Variants in UBAP1 observed in about 807,000 individuals in gnomAD.
The protein encoded by UBAP1 is ubiquitin-associated protein 1.
UBAP1 carries 5 observed loss-of-function variants against 39.0 expected under a neutral mutation model. The observed-to-expected ratio is 0.13, with a 90% confidence interval of 0.07 to 0.27. UBAP1 has a LOEUF of 0.27. UBAP1 is among the 10% of genes least tolerant of loss of function. UBAP1 has a pLI of 1.00. For synonymous variants in UBAP1, 211 were observed against 225.1 expected (o/e 0.94, Z 0.56); for missense variants, 490 against 608.1 (o/e 0.81, Z 2.04).
At position 34,202,624 on chromosome 9, in the gene UBAP1, CGTGTGTGTGTGTGTGTGT is replaced by C. The variant is rs56012034; in HGVS notation, c.-7-18247_-7-18230del. Among the ~76,000 whole-genome samples the C allele has an allele frequency of 6.8e-3, 731 of 107,362 alleles. 8 individuals carry two copies. Among genetic ancestry groups the C allele is most frequent in the Non-Finnish European group, 7.0e-3 (373 of 53,586 alleles). The allele number at this position is 107,362 out of a possible 152,430, so 70.4% of individuals were successfully genotyped here. ...ATGGGCCAGAAGCTGTAGACAGAAA[CGTGTGTGTGTGTGTGTGT>C]GTGTGTGTGTGTGTGTGTGTGTGTG... On this transcript the variant is annotated intron_variant, in intron 1 of 6. Coordinates refer to ENST00000297661, the MANE Select transcript of UBAP1 (RefSeq NM_016525.5).
chr9:34,227,041 T>C (rs1388384045), intron 2 of UBAP1, among the ~76,000 whole-genome samples: 1 of 152,234 alleles, frequency 6.6e-6, no homozygotes, highest in Non-Finnish European at 1.5e-5. Context: ...TCCCTGAATT[T>C]GGGTCTGATG....
At chr9:34,228,188 G>T (rs1056805583) in intron 2 of UBAP1, among the ~76,000 whole-genome samples, 1 of 152,084 alleles carries the variant, frequency 6.6e-6, no homozygotes, top group African/African-American at 2.4e-5. Context: ...GGAGGCCGAG[G>T]TGGGCGGATC....
At chr9:34,248,040 C>T (rs1048243417) in intron 4 of UBAP1, among the ~76,000 whole-genome samples, 4 of 147,028 alleles carry the variant, frequency 2.7e-5, no homozygotes, top group African/African-American at 7.4e-5. Context: ...AAAATAGATA[C>T]GATTTTTTTT....
chr9:34,201,803 A>C (rs1027515091), intron 1 of UBAP1, among the ~76,000 whole-genome samples: 1 of 152,086 alleles, frequency 6.6e-6, no homozygotes, highest in Non-Finnish European at 1.5e-5. Context: ...ATTGCCCCCT[A>C]GCACTCATCA....
Position 34,242,028 on chromosome 9 carries a change from C to G in UBAP1, c.1003C>G (p.Leu335Val). ...GGACAGTGGCACAGAGATGCCAGCCCTGACATCCTCCCAGATGCCTTCCCT... is the reference window on the plus strand; with the variant it reads ...GGACAGTGGCACAGAGATGCCAGCCGTGACATCCTCCCAGATGCCTTCCCT... Reference protein sequence around the residue: ...NLDSGTEMPALTSSQMPSLSV... With the variant: ...NLDSGTEMPAVTSSQMPSLSV... The change falls in exon 4 of 7, where the codon CTG (leucine) becomes GTG (valine). Residue 335 changes from leucine (L) to valine (V), a missense_variant. This residue lies in a region of UBAP1 where 339 missense variants were observed against 390.0 expected (regional missense o/e 0.87). Transcript: ENST00000297661. 6.2e-7 allele frequency: 1 copy of G among 1,614,224 alleles called. No homozygotes were observed. The highest frequency in any genetic ancestry group is 1.3e-5 in the African/African-American group (1 of 75,062).
chr9:34,228,976 T>C (rs1385690877), intron 2 of UBAP1, among the ~76,000 whole-genome samples: 1 of 152,158 alleles, frequency 6.6e-6, no homozygotes, highest in Non-Finnish European at 1.5e-5. Flanking sequence ...TTAATAAAGC[T>C]TTTAAAGTAC....
At chr9:34,240,784 T>C (rs1833915241) in intron 3 of UBAP1, among the ~76,000 whole-genome samples, 1 of 152,214 alleles carries the variant, frequency 6.6e-6, no homozygotes, top group Non-Finnish European at 1.5e-5. Flanking sequence ...TAAGTAGGAA[T>C]AATAGTAGTT....
At chr9:34,216,807 C>T (rs1176615461) in intron 1 of UBAP1, among the ~76,000 whole-genome samples, 7 of 151,754 alleles carry the variant, frequency 4.6e-5, no homozygotes, top group South Asian at 2.1e-4. Flanking sequence ...CCACCATGCT[C>T]GGCTAATGTT....
chr9:34,195,217 G>A (rs529526288), intron 1 of UBAP1, among the ~76,000 whole-genome samples: 3 of 151,294 alleles, frequency 2.0e-5, no homozygotes, highest in East Asian at 1.9e-4. Flanking sequence ...TTCCTTTATG[G>A]TTTGTGCTTT....
chr9:34,181,657 C>G (rs1253640867), intron 1 of UBAP1, among the ~76,000 whole-genome samples: 2 of 147,312 alleles, frequency 1.4e-5, no homozygotes, highest in Admixed American at 1.4e-4. Context: ...TGGTCTCGAT[C>G]TCCTGACCTC....
rs973311016 is a variant in UBAP1, at chr9:34,251,764, C to T, written c.*232C>T. On this transcript the variant is annotated 3_prime_UTR_variant, in exon 7 of 7. Coordinates refer to ENST00000297661, the MANE Select transcript of UBAP1 (RefSeq NM_016525.5). ...CTGTCCTGGCTCCTTCCGTATTAAA[C>T]GCATTTGCATTTTGAGAAGTGTCCT... 4.2e-5 allele frequency: 21 copies of T among 499,302 alleles called. No individual in the cohort carries two copies. Among genetic ancestry groups the T allele is most frequent in the Middle Eastern group, 5.2e-4 (1 of 1,912 alleles). The allele number at this position is 499,302 out of a possible 1,614,324, so 30.9% of individuals were successfully genotyped here.
At chr9:34,243,663 T>C (rs982238124) in intron 4 of UBAP1, among the ~76,000 whole-genome samples, 21 of 152,112 alleles carry the variant, frequency 1.4e-4, no homozygotes, top group African/African-American at 4.6e-4. Flanking sequence ...CTCATTTTTG[T>C]ATTTTTAGCA....
chr9:34,220,846 C>G lies in UBAP1; in HGVS notation c.-7-62C>G, dbSNP rs1389958851. ...TCTTCTGGTTTCTTTTTTGTACTCT[C>G]AATTTTCTTCGTACTACCTTCAAGG... On this transcript the variant is annotated intron_variant, in intron 1 of 6. Transcript: ENST00000297661. 2.7e-6 allele frequency: 4 copies of G among 1,489,014 alleles called. No homozygotes were observed. In the South Asian group the frequency reaches 3.5e-5, roughly 13 times the overall value. 92.2% of individuals were successfully genotyped at this position (1,489,014 alleles called of 1,614,324 possible).
intron 2 of UBAP1, among the ~76,000 whole-genome samples, chr9:34,228,417 C>CA (rs1182740329): frequency 0.052 from 2,908 of 55,606 alleles, 81 homozygotes; most frequent in East Asian, 0.24. Flanking sequence ...GACTTCATCT[C>CA]AAAAAAAAAA....
intron 1 of UBAP1, among the ~76,000 whole-genome samples, chr9:34,205,497 C>T (rs1204392870): frequency 6.6e-6 from 1 of 152,058 alleles, no homozygotes; most frequent in Non-Finnish European, 1.5e-5. Context: ...TCTGAAATTA[C>T]ATGTTAGGTA....
chr9:34,207,617 A>G (rs1206928129), intron 1 of UBAP1, among the ~76,000 whole-genome samples: 1 of 148,208 alleles, frequency 6.7e-6, no homozygotes, highest in Non-Finnish European at 1.5e-5. Flanking sequence ...GCTGTGGTAT[A>G]TTGGTATGTT....
intron 1 of UBAP1, among the ~76,000 whole-genome samples, chr9:34,204,996 C>T (rs1303885534): frequency 6.6e-6 from 1 of 152,012 alleles, no homozygotes; most frequent in Non-Finnish European, 1.5e-5. Context: ...TTCTGATTGG[C>T]TAATGCTTTA....
chr9:34,247,647 C>T (rs1038076337), intron 4 of UBAP1, among the ~76,000 whole-genome samples: 1 of 152,106 alleles, frequency 6.6e-6, no homozygotes, highest in African/African-American at 2.4e-5. Flanking sequence ...TGGTCTTGAA[C>T]TCCCGACCTC....
intron 2 of UBAP1, among the ~76,000 whole-genome samples, chr9:34,228,520 G>T (rs537473492): frequency 6.6e-6 from 1 of 150,794 alleles, no homozygotes; most frequent in East Asian, 1.9e-4. Flanking sequence ...ATCATTAATA[G>T]TACTTACGGT....
Sources: allele counts gnomAD v4.1 joint callset (sites outside exome capture counted in the v4.1 genomes callset), GRCh38; gene constraint gnomAD v4.1.1; regional missense constraint gnomAD v4.1.1; transcripts MANE v1.5; gene names NCBI Gene and HGNC (gene_info 2026-07-23, HGNC 2026-07-21).